Variants in ALOXE3 observed in about 807,000 individuals in gnomAD.
ALOXE3 encodes arachidonate epidermal lipoxygenase 3.
In ALOXE3, 78 loss-of-function variants were observed where a neutral mutation model predicts 87.5. The ratio of observed to expected loss-of-function variants is 0.89; its 90% confidence interval spans 0.74 to 1.08. The LOEUF is 1.08. ALOXE3 is among the 50% of genes least tolerant of loss of function. ALOXE3 has a pLI of 0.00. For missense variants in ALOXE3, 946 were observed against 912.4 expected (o/e 1.04, Z -0.47); for synonymous variants, 363 against 370.8 (o/e 0.98, Z 0.24).
intron 5 of ALOXE3, 116 bp from the exon 6 acceptor site, chr17:8,114,725 T>C (rs1980432506): frequency 6.6e-7 from 1 of 1,522,306 alleles, no homozygotes; most frequent in Admixed American, 1.7e-5. Flanking sequence ...TACTCCCGGC[T>C]CCTCCCCTGC....
chr17:8,110,281 G>A lies in ALOXE3; in HGVS notation c.1116C>T (p.Pro372=). 8 of 1,613,986 alleles carry A rather than the reference G, an allele frequency of 5.0e-6. No individual in the cohort carries two copies. The highest frequency in any genetic ancestry group is 1.6e-4 in the Middle Eastern group (1 of 6,062). The change falls in exon 10 of 16, where the codon CCC becomes CCT. Residue 372 remains proline (P), a synonymous_variant. Transcript: ENST00000448843. The part of the protein sequence containing the change: ...VPLAIQLSQT[P]GPDSPIFLPT... ...GCAGGAAGATGGGGCTGTCAGGCCC[G>A]GGGGTCTGGCTGAGCTGCGTCCGAA...
chr17:8,111,454 G>A lies in ALOXE3; in HGVS notation c.862C>T (p.His288Tyr). 1 of 1,614,196 alleles carries A rather than the reference G, an allele frequency of 6.2e-7. No individual in the cohort carries two copies. The highest frequency in any genetic ancestry group is 8.5e-7 in the Non-Finnish European group (1 of 1,180,046). The change falls in exon 8 of 16, where the codon CAC (histidine) becomes TAC (tyrosine). Residue 288 changes from histidine to tyrosine, a missense_variant. Physicochemically the swap from His to Tyr is moderately conservative, Grantham distance 83. Coordinates refer to ENST00000448843, the MANE Select transcript of ALOXE3 (RefSeq NM_021628.3). ...YLNGVNPVMLHCISSLPSKLP... is the reference protein window; with the variant it reads ...YLNGVNPVMLYCISSLPSKLP... ...TTGCTGGGCAAGCTAGAGATGCAGTGGAGCATGACGGGATTGACACCATTC... is the reference window on the plus strand; with the variant it reads ...TTGCTGGGCAAGCTAGAGATGCAGTAGAGCATGACGGGATTGACACCATTC...
chr17:8,108,064 A>AAAGGAAGG (rs1028235811), intron 13 of ALOXE3, among the ~76,000 whole-genome samples: 1 of 149,332 alleles, frequency 6.7e-6, no homozygotes, highest in Non-Finnish European at 1.5e-5. Flanking sequence ...AGAAAGAAAG[A>AAAGGAAGG]AAGGAAGAGA....
Position 8,109,215 on chromosome 17 carries a change from G to A in ALOXE3, c.1521C>T (p.His507=), listed in dbSNP as rs773240392. 2 of 1,614,012 alleles carry A rather than the reference G, an allele frequency of 1.2e-6. No individual in the cohort carries two copies. The highest frequency in any genetic ancestry group is 3.3e-5 in the Admixed American group (2 of 60,038). The change falls in exon 12 of 16, where the codon CAC becomes CAT. Residue 507 remains histidine, a synonymous_variant. Coordinates refer to ENST00000448843, the MANE Select transcript of ALOXE3 (RefSeq NM_021628.3). The part of the protein sequence containing the change: ...ARGVLAIPNY[H]YRDDGLKIWA... ...AGATCTTCAGGCCGTCGTCTCGGTA[G>A]TGGTAGTTGGGGATAGCCAGGACGC... is the stretch of plus-strand genomic sequence containing the variant.
Position 8,114,591 on chromosome 17 carries a change from C to A in ALOXE3, c.573G>T (p.Leu191=). 6.2e-7 allele frequency: 1 copy of A among 1,613,878 alleles called. No homozygotes were observed. Among genetic ancestry groups the A allele is most frequent in the South Asian group, 1.1e-5 (1 of 91,048 alleles). ...TGTCAATTTTCATGGGGAAGCCGGG[C>A]AGGTACCGATTCCCACTGCTGGGGG... ...DQGDSSGNRY[L]PGFPMKIDIP... is the part of the protein sequence containing the mutation. Residue 191 remains leucine (L), a synonymous_variant, in exon 6 of 16, where the codon CTG becomes CTT. Coordinates refer to ENST00000448843, the MANE Select transcript of ALOXE3 (RefSeq NM_021628.3).
intron 15 of ALOXE3, among the ~76,000 whole-genome samples, chr17:8,099,072 T>A: frequency 6.8e-6 from 1 of 146,872 alleles, no homozygotes; most frequent in East Asian, 2.1e-4. Context: ...TTACTCAGGC[T>A]GGTCTTAAAT....
At chr17:8,115,267 G>C (rs1980487553) in intron 4 of ALOXE3, among the ~76,000 whole-genome samples, 1 of 152,228 alleles carries the variant, frequency 6.6e-6, no homozygotes, top group Non-Finnish European at 1.5e-5. Context: ...TTAGAGATGG[G>C]TTTGTGTTGA....
At position 8,114,974 on chromosome 17, in the gene ALOXE3, A is replaced by G; in HGVS notation, c.518T>C (p.Leu173Ser). 6.2e-7 allele frequency: 1 copy of G among 1,614,108 alleles called. No individual in the cohort carries two copies. Among genetic ancestry groups the G allele is most frequent in the Admixed American group, 1.7e-5 (1 of 60,020 alleles). ...GTCTACACAAGTTGTCGTCTTTGTC[A>G]AGGCAAATTTCTTGTCTGACTCCAT... is the stretch of plus-strand genomic sequence containing the variant. ...QEMESDKKFA[L>S]TKTTTCVDQG... Residue 173 changes from leucine to serine, a missense_variant, in exon 5 of 16, where the codon TTG becomes TCG. Coordinates refer to ENST00000448843, the MANE Select transcript of ALOXE3 (RefSeq NM_021628.3).
At chr17:8,111,576 C>A in intron 7 of ALOXE3, 45 bp from the exon 8 acceptor site, 2 of 1,601,308 alleles carry the variant, frequency 1.2e-6, no homozygotes, top group South Asian at 2.2e-5. Flanking sequence ...AACTACTTCC[C>A]TAGATCCTAG....
chr17:8,110,070 G>C (rs1979906184), intron 10 of ALOXE3, 22 bp downstream of exon 10: 1 of 1,599,554 alleles, frequency 6.3e-7, no homozygotes, highest in Non-Finnish European at 8.5e-7. Context: ...GCCCCGCTGG[G>C]CCCCCACCCG....
In ALOXE3 at chr17:8,118,232, G is replaced by C. The variant is rs1980790594; in HGVS notation, c.-242C>G. 6.4e-7 allele frequency: 1 copy of C among 1,551,654 alleles called. No homozygotes were observed. The highest frequency in any genetic ancestry group is 1.2e-5 in the South Asian group (1 of 84,056). On this transcript the variant is annotated 5_prime_UTR_variant, in exon 2 of 16. Transcript: ENST00000448843. ...CCCACAGTCTTGCACTCTAATACTT[G>C]TTTGCTTGCCTCTGACACAGCCGGT... is the stretch of plus-strand genomic sequence containing the variant.
Position 8,110,333 on chromosome 17 carries a change from G to A in ALOXE3, c.1102-38C>T, listed in dbSNP as rs769217842. 1.3e-5 allele frequency: 21 copies of A among 1,610,866 alleles called. No homozygotes were observed. In the East Asian group the frequency reaches 4.5e-4, roughly 34 times the overall value. ...GGAACGAGGGATGATGGGGCTCCGGGCTGGCGGTTAGCACCTGAGCCCCCA... is the reference window on the plus strand; with the variant it reads ...GGAACGAGGGATGATGGGGCTCCGGACTGGCGGTTAGCACCTGAGCCCCCA... On this transcript the variant is annotated intron_variant, in intron 9 of 15. Coordinates refer to ENST00000448843, the MANE Select transcript of ALOXE3 (RefSeq NM_021628.3).
chr17:8,107,178 C>T (rs995592843), intron 13 of ALOXE3, among the ~76,000 whole-genome samples: 1 of 152,130 alleles, frequency 6.6e-6, no homozygotes, highest in Non-Finnish European at 1.5e-5. Flanking sequence ...CAGCACTGAT[C>T]ATGATTAATA....
intron 6 of ALOXE3, among the ~76,000 whole-genome samples, chr17:8,114,045 G>C (rs1444399166): frequency 6.7e-6 from 1 of 149,398 alleles, no homozygotes; most frequent in Non-Finnish European, 1.5e-5. Flanking sequence ...AAAAAAAAGT[G>C]ATGTGCCCTG....
chr17:8,110,591 C>T, intron 8 of ALOXE3, 63 bp from the exon 9 acceptor site: 6 of 1,608,708 alleles, frequency 3.7e-6, no homozygotes, highest in Non-Finnish European at 3.4e-6. Context: ...CCTCCCATTT[C>T]CCTGCCCACT....
At chr17:8,103,515 T>C (rs202147923) in intron 14 of ALOXE3, 22 bp from the exon 15 acceptor site, 12 of 1,613,060 alleles carry the variant, frequency 7.4e-6, no homozygotes, top group African/African-American at 5.3e-5. Flanking sequence ...CCCATCCCAG[T>C]TGGGTCAGTT....
upstream of ALOXE3, chr17:8,118,593 C>T: frequency 6.5e-7 from 1 of 1,529,374 alleles, no homozygotes; most frequent in Middle Eastern, 1.7e-4. Flanking sequence ...GTCGCACACG[C>T]ATTCCAGCAC....
chr17:8,112,139 C>A lies in ALOXE3; in HGVS notation c.738G>T (p.Leu246=). The change falls in exon 7 of 16, where the codon CTG becomes CTT. Residue 246 remains leucine, a synonymous_variant. Coordinates refer to ENST00000448843, the MANE Select transcript of ALOXE3 (RefSeq NM_021628.3). ...LLDRKGSWKK[L]DDMQNIFWCH... Reference sequence around the variant, plus strand: ...ACCAGAAGATGTTCTGCATGTCATCCAGCTTCTTCCAGGAGCCCTTGCGAT... The same window carrying A: ...ACCAGAAGATGTTCTGCATGTCATCAAGCTTCTTCCAGGAGCCCTTGCGAT... 1 of 1,614,160 alleles carries A rather than the reference C, an allele frequency of 6.2e-7. No individual in the cohort carries two copies. Among genetic ancestry groups the A allele is most frequent in the Non-Finnish European group, 8.5e-7 (1 of 1,180,042 alleles).
chr17:8,096,280 T>G lies in ALOXE3; in HGVS notation c.*347A>C. On this transcript the variant is annotated 3_prime_UTR_variant, in exon 16 of 16. Transcript: ENST00000448843. ...GAAGGAGTTTGGGGATTGGGGAGGA[T>G]GAGGGAGAAAAGCTCAGAAACCCAA... 1.2e-5 allele frequency: 3 copies of G among 242,060 alleles called. No homozygotes were observed. The highest frequency in any genetic ancestry group is 1.6e-5 in the Non-Finnish European group (2 of 123,964). The allele number at this position is 242,060 out of a possible 1,614,324, so 15.0% of individuals were successfully genotyped here.
Sources: gnomAD v4.1 joint callset for allele counts (sites outside exome capture counted in the v4.1 genomes callset) on GRCh38, gnomAD v4.1.1 for gene constraint, MANE v1.5 for transcripts, NCBI Gene and HGNC (gene_info 2026-07-23, HGNC 2026-07-21) for gene names.